Variants in DNAJC11 observed in about 807,000 individuals in gnomAD.
The protein encoded by DNAJC11 is DnaJ heat shock protein family (Hsp40) member C11.
DNAJC11 carries 15 observed loss-of-function variants against 78.6 expected under a neutral mutation model. The observed-to-expected ratio is 0.19, with a 90% CI of 0.13 to 0.29. The LOEUF is 0.29. Ranked by LOEUF, DNAJC11 falls within the 10% of genes least tolerant of loss-of-function variation. The probability of loss-of-function intolerance (pLI) is 1.00; values close to 1 mark genes in which losing one functional copy is unlikely to be tolerated. For synonymous variants in DNAJC11, 292 were observed against 272.1 expected, an observed-to-expected ratio of 1.07 and a Z score of -0.72; for missense variants, 547 against 709.6, an observed-to-expected ratio of 0.77 and a Z score of 2.60.
In DNAJC11 at chr1:6,641,404, T is replaced by TACAC. The variant is rs765422306; in HGVS notation, c.1098-1348_1098-1347insGTGT. The stretch of plus-strand genomic sequence containing the variant: ...AAAAAAAAAAAAATATATATATATA[T>TACAC]ATACACACACACACACACACACACA... On this transcript the variant is annotated intron_variant, in intron 10 of 15. Coordinates refer to ENST00000377577, the MANE Select transcript of DNAJC11 (RefSeq NM_018198.4). Among the ~76,000 whole-genome samples the TACAC allele has an allele frequency of 9.9e-3, 995 of 100,150 alleles. 11 individuals are homozygous for TACAC. Among genetic ancestry groups the TACAC allele is most frequent in the African/African-American group, 0.018 (551 of 30,634 alleles). 65.7% of individuals were successfully genotyped at this position (100,150 alleles called of 152,430 possible).
chr1:6,695,553 A>G (rs1037422781), intron 1 of DNAJC11, among the ~76,000 whole-genome samples: 1 of 142,982 alleles, frequency 7.0e-6, no homozygotes, highest in Non-Finnish European at 1.5e-5. Context: ...GCACTTTGGG[A>G]GGCCGAGGCG....
At chr1:6,677,553 C>CCTAACACT (rs1266294738) in intron 3 of DNAJC11, among the ~76,000 whole-genome samples, 4 of 152,274 alleles carry the variant, frequency 2.6e-5, no homozygotes, top group Middle Eastern at 3.4e-3. Context: ...CAGCCTGGCT[C>CCTAACACT]CCCAGAGTGT....
chr1:6,682,624 C>T (rs1642571717), intron 1 of DNAJC11, among the ~76,000 whole-genome samples: 1 of 152,162 alleles, frequency 6.6e-6, no homozygotes, highest in Non-Finnish European at 1.5e-5. Context: ...TTACTCGATT[C>T]TGCTATTCAG....
At chr1:6,656,291 G>A (rs1020411637) in intron 4 of DNAJC11, among the ~76,000 whole-genome samples, 2 of 151,886 alleles carry the variant, frequency 1.3e-5, no homozygotes, top group Non-Finnish European at 2.9e-5. Flanking sequence ...AGGAATCTTG[G>A]TGGAGCTGTC....
intron 3 of DNAJC11, among the ~76,000 whole-genome samples, chr1:6,672,058 C>T (rs553048336): frequency 7.2e-4 from 109 of 152,270 alleles, no homozygotes; most frequent in Middle Eastern, 3.4e-3. Flanking sequence ...TGGTCTTGAA[C>T]TCCTGACCTC....
At position 6,635,549 on chromosome 1, in the gene DNAJC11, G is replaced by A. The variant is rs1418432175; in HGVS notation, c.*126C>T. 1 of 1,060,182 alleles carries A rather than the reference G, an allele frequency of 9.4e-7. No individual in the cohort carries two copies. The highest frequency in any genetic ancestry group is 1.6e-5 in the African/African-American group (1 of 62,220). 65.7% of individuals were successfully genotyped at this position (1,060,182 alleles called of 1,614,324 possible). ...CATGTCCCTTCACATAATTGATAAT[G>A]GTACCACCTTCTATAATAATAATAT... On this transcript the variant is annotated 3_prime_UTR_variant, in exon 16 of 16. Coordinates refer to ENST00000377577, the MANE Select transcript of DNAJC11 (RefSeq NM_018198.4).
At chr1:6,654,998 C>G (rs1423694161) in intron 4 of DNAJC11, among the ~76,000 whole-genome samples, 2 of 152,146 alleles carry the variant, frequency 1.3e-5, no homozygotes, top group African/African-American at 4.8e-5. Flanking sequence ...AGGGTTTCAC[C>G]ATGTTGACCA....
chr1:6,659,739 C>A (rs1157101338), intron 4 of DNAJC11, among the ~76,000 whole-genome samples: 1 of 151,558 alleles, frequency 6.6e-6, no homozygotes, highest in Non-Finnish European at 1.5e-5. Context: ...CCAGCCAGGG[C>A]AACAAGAGTG....
intron 7 of DNAJC11, among the ~76,000 whole-genome samples, chr1:6,648,202 C>T (rs35999231): frequency 6.6e-6 from 1 of 152,144 alleles, no homozygotes; most frequent in Non-Finnish European, 1.5e-5. Context: ...GTCGCCCAGG[C>T]TGGAGTGCAG....
Position 6,667,739 on chromosome 1 carries a change from C to A in DNAJC11, c.348G>T (p.Glu116Asp), listed in dbSNP as rs370104302. 218 of 1,614,054 alleles carry A rather than the reference C, an allele frequency of 1.4e-4. No individual in the cohort carries two copies. The highest frequency in any genetic ancestry group is 1.7e-4 in the Non-Finnish European group (205 of 1,180,040). Residue 116 changes from glutamate to aspartate, a missense_variant, in exon 4 of 16, where the codon GAG (glutamate) becomes GAT (aspartate). By Grantham distance (45) the Glu-to-Asp change is conservative (BLOSUM62 2). Coordinates refer to ENST00000377577, the MANE Select transcript of DNAJC11 (RefSeq NM_018198.4). ...GATTGGTTCGCTGCTGCAATCTCCT[C>A]TCTTCTCTCTCTCTCTGCAGCCGCT... ...EFERLQRERE[E>D]RRLQQRTNPK...
At chr1:6,687,195 T>C (rs180760136) in intron 1 of DNAJC11, among the ~76,000 whole-genome samples, 2 of 152,248 alleles carry the variant, frequency 1.3e-5, no homozygotes, top group African/African-American at 4.8e-5. Flanking sequence ...TTATTTGGTG[T>C]CATTTAGTAG....
At chr1:6,686,671 A>C (rs1389661894) in intron 1 of DNAJC11, among the ~76,000 whole-genome samples, 1 of 152,256 alleles carries the variant, frequency 6.6e-6, no homozygotes, top group Non-Finnish European at 1.5e-5. Flanking sequence ...TAGCAAGTGC[A>C]GTCCTACCAT....
At chr1:6,682,496 G>A (rs975970464) in intron 1 of DNAJC11, among the ~76,000 whole-genome samples, 3 of 152,162 alleles carry the variant, frequency 2.0e-5, no homozygotes, top group African/African-American at 7.2e-5. Flanking sequence ...AGCGGTGCTG[G>A]GGCCCGGGTT....
chr1:6,701,738 C>T lies in DNAJC11; in HGVS notation c.63G>A (p.Val21=). The T allele has an allele frequency of 1.3e-6, 2 of 1,561,732 alleles. No homozygotes were observed. Among genetic ancestry groups the T allele is most frequent in the Non-Finnish European group, 1.7e-6 (2 of 1,156,862 alleles). Residue 21 remains valine (V), a synonymous_variant, in exon 1 of 16, where the codon GTG becomes GTA. Coordinates refer to ENST00000377577, the MANE Select transcript of DNAJC11 (RefSeq NM_018198.4). ...DNEDYYSLLN[V]RREASSEELK... ...CAGCCGCTGGCCTCACCTCCCTGCG[C>T]ACGTTCAGCAACGAGTAATAGTCTT...
At chr1:6,686,889 C>T (rs189975707) in intron 1 of DNAJC11, among the ~76,000 whole-genome samples, 23 of 152,270 alleles carry the variant, frequency 1.5e-4, no homozygotes, top group Admixed American at 1.2e-3. Flanking sequence ...AACTTCCAGG[C>T]GATGTATCTG....
intron 1 of DNAJC11, among the ~76,000 whole-genome samples, chr1:6,692,950 G>T (rs1364222229): frequency 5.3e-5 from 8 of 149,882 alleles, no homozygotes; most frequent in Admixed American, 4.7e-4. Flanking sequence ...CTGTTGCCCA[G>T]GCTGGAGTCC....
chr1:6,657,366 AG>A (rs888712752), intron 4 of DNAJC11, among the ~76,000 whole-genome samples: 3 of 152,162 alleles, frequency 2.0e-5, no homozygotes, highest in African/African-American at 7.2e-5. Context: ...ACCTCCGCTG[AG>A]GTGTGTGAGA....
intron 3 of DNAJC11, among the ~76,000 whole-genome samples, chr1:6,668,993 C>T (rs1485576442): frequency 1.3e-5 from 2 of 151,566 alleles, no homozygotes; most frequent in African/African-American, 4.8e-5. Flanking sequence ...TCAAGACCAA[C>T]CTGGCCAACA....
chr1:6,653,754 G>T lies in DNAJC11; in HGVS notation c.507+157C>A. ...GCCAGCACAGCGGTAACACACGGCTGGGAATGAAGCGCTTTCTTTTTTAAG... is the reference window on the plus strand; with the variant it reads ...GCCAGCACAGCGGTAACACACGGCTTGGAATGAAGCGCTTTCTTTTTTAAG... On this transcript the variant is annotated intron_variant, in intron 5 of 15. Transcript: ENST00000377577. This position sits in a 1 kb window ranked among gnomAD's most constrained non-coding sequence, Gnocchi z 4.5. 2.0e-6 allele frequency: 2 copies of T among 985,320 alleles called. No individual in the cohort carries two copies. The highest frequency in any genetic ancestry group is 2.9e-6 in the Non-Finnish European group (2 of 685,648). 61.0% of individuals were successfully genotyped at this position (985,320 alleles called of 1,614,324 possible).
Sources: allele counts gnomAD v4.1 joint callset (sites outside exome capture counted in the v4.1 genomes callset), GRCh38; gene constraint gnomAD v4.1.1; non-coding constraint Gnocchi (gnomAD v3.1); transcripts MANE v1.5; gene names NCBI Gene and HGNC (gene_info 2026-07-23, HGNC 2026-07-21).